The following ATP9A variants were observed in gnomAD, a reference collection of about 807,000 sequenced individuals.
ATP9A encodes the protein probable phospholipid-transporting ATPase IIA.
Under a neutral mutation model 144.1 loss-of-function variants are expected in ATP9A, and 52 were observed. The ratio of observed to expected loss-of-function variants is 0.36; its 90% CI spans 0.29 to 0.45. The LOEUF (loss-of-function observed/expected upper bound fraction) is 0.45, where lower values mean the gene tolerates loss of function less well. Among genes scored for constraint, ATP9A ranks in the 20% least tolerant of loss-of-function variants. ATP9A has a pLI of 1.00. For synonymous variants in ATP9A, 582 were observed against 557.4 expected (o/e 1.04, Z -0.62); for missense variants, 947 against 1,392.7 (o/e 0.68, Z 5.09).
intron 1 of ATP9A, among the ~76,000 whole-genome samples, chr20:51,745,583 G>T (rs796452101): frequency 6.6e-6 from 1 of 152,148 alleles, no homozygotes; most frequent in Non-Finnish European, 1.5e-5. Flanking sequence ...GGCACTACTG[G>T]CACGTAGTGG....
chr20:51,622,796 T>C (rs895409905), intron 18 of ATP9A, among the ~76,000 whole-genome samples: 3 of 152,298 alleles, frequency 2.0e-5, no homozygotes, highest in South Asian at 4.1e-4. Flanking sequence ...CCTCATGGAA[T>C]GTGCTTCCTG....
intron 3 of ATP9A, among the ~76,000 whole-genome samples, chr20:51,719,106 C>T (rs796815634): frequency 1.3e-5 from 2 of 149,980 alleles, no homozygotes; most frequent in African/African-American, 2.5e-5. Context: ...CCAGCCTGGG[C>T]GACAGAGTGA....
chr20:51,707,635 A>G (rs2077620289), intron 4 of ATP9A, among the ~76,000 whole-genome samples: 1 of 152,148 alleles, frequency 6.6e-6, no homozygotes, highest in African/African-American at 2.4e-5. Context: ...CACTACTTTC[A>G]ACTCCTGGGA....
intron 14 of ATP9A, among the ~76,000 whole-genome samples, chr20:51,654,563 C>T (rs1408621763): frequency 6.6e-6 from 1 of 151,718 alleles, no homozygotes; most frequent in African/African-American, 2.4e-5. Flanking sequence ...TACCATGAGC[C>T]TTATGCTCAT....
chr20:51,606,764 A>G (rs1264020988), intron 26 of ATP9A, among the ~76,000 whole-genome samples: 2 of 152,116 alleles, frequency 1.3e-5, no homozygotes, highest in Admixed American at 1.3e-4. Context: ...CTGTGGTCCC[A>G]GACTCAGAAG....
chr20:51,730,454 G>A (rs1268418146), intron 1 of ATP9A, among the ~76,000 whole-genome samples: 3 of 152,216 alleles, frequency 2.0e-5, no homozygotes, highest in Non-Finnish European at 4.4e-5. Context: ...GCGAAAGACT[G>A]AGACTTCGTC....
In ATP9A at chr20:51,601,209, G is replaced by A; in HGVS notation, c.*2C>T. On this transcript the variant is annotated 3_prime_UTR_variant, in exon 28 of 28. Transcript: ENST00000338821. ...CAGGGCCCCCTCCAGCGAACGCACG[G>A]CCTATGATGTGAGCTTTGAGTAGCT... 1.9e-6 allele frequency: 3 copies of A among 1,610,286 alleles called. No homozygotes were observed. The highest frequency in any genetic ancestry group is 2.5e-6 in the Non-Finnish European group (3 of 1,178,140).
Position 51,706,633 on chromosome 20 carries a change from C to T in ATP9A, c.436+6333G>A, listed in dbSNP as rs2077615723. On this transcript the variant is annotated intron_variant, in intron 4 of 27. Coordinates refer to ENST00000338821, the MANE Select transcript of ATP9A (RefSeq NM_006045.3). ...GGTATAGTGACATGCAACTATGGTC[C>T]CAGTTACTTGGGAGGCTGAGGTGGG... Among the ~76,000 whole-genome samples, 4 of 152,080 alleles carry T rather than the reference C, an allele frequency of 2.6e-5. No individual in the cohort carries two copies. In the South Asian group the frequency reaches 8.3e-4, roughly 32 times the overall value.
chr20:51,622,631 T>C (rs1201476027), intron 18 of ATP9A, among the ~76,000 whole-genome samples: 1 of 152,196 alleles, frequency 6.6e-6, no homozygotes, highest in East Asian at 1.9e-4. Flanking sequence ...ACTCAGCTTA[T>C]AAAACGCTGA....
At position 51,653,256 on chromosome 20, in the gene ATP9A, A is replaced by C. The variant is rs552416394; in HGVS notation, c.1506+3682T>G. 3.9e-5 allele frequency among the ~76,000 whole-genome samples: 6 copies of C among 152,106 alleles called. No homozygotes were observed. In the South Asian group the frequency reaches 1.2e-3, roughly 32 times the overall value. ...ATCTGATTTCAAGTGCAATTCATCC[A>C]CAGAAGAGATAAAGTACCATTCACT... On this transcript the variant is annotated intron_variant, in intron 14 of 27. Coordinates refer to ENST00000338821, the MANE Select transcript of ATP9A (RefSeq NM_006045.3).
At chr20:51,687,775 AAATGAATGAATG>A (rs1555836823) in intron 9 of ATP9A, among the ~76,000 whole-genome samples, 1 of 147,460 alleles carries the variant, frequency 6.8e-6, no homozygotes, top group Non-Finnish European at 1.5e-5. Context: ...AAAAAAAAAA[AAATGAATGAATG>A]AATGAATGAA....
intron 1 of ATP9A, among the ~76,000 whole-genome samples, chr20:51,730,656 A>AC (rs1207627547): frequency 6.6e-6 from 1 of 152,222 alleles, no homozygotes; most frequent in East Asian, 1.9e-4. Context: ...GCTGAATGGT[A>AC]CAGCCTATTA....
intron 23 of ATP9A, 124 bp from the exon 24 acceptor site, chr20:51,610,289 A>C: frequency 2.8e-6 from 2 of 702,652 alleles, no homozygotes; most frequent in Non-Finnish European, 4.9e-6. Flanking sequence ...GGTACTTTAC[A>C]TGGATTTGCT....
At chr20:51,766,607 C>G (rs1044783853) in intron 1 of ATP9A, among the ~76,000 whole-genome samples, 2 of 151,908 alleles carry the variant, frequency 1.3e-5, no homozygotes, top group Non-Finnish European at 2.9e-5. Flanking sequence ...TTTGGAAGGC[C>G]GAGGTGGGTG....
chr20:51,604,893 G>C lies in ATP9A; in HGVS notation c.2931C>G (p.His977Gln). 6.2e-7 allele frequency: 1 copy of C among 1,609,300 alleles called. No individual in the cohort carries two copies. Among genetic ancestry groups the C allele is most frequent in the Non-Finnish European group, 8.5e-7 (1 of 1,177,600 alleles). ...LMVALTIQTW[H>Q]WLMTVAELLS... is the part of the protein sequence containing the mutation. ...GCAGCTCCGCCACTGTCATGAGCCAGTGCCAGGTCTGGATGGTCAGCGCCA... is the reference window on the plus strand; with the variant it reads ...GCAGCTCCGCCACTGTCATGAGCCACTGCCAGGTCTGGATGGTCAGCGCCA... The change falls in exon 27 of 28, where the codon CAC (histidine) becomes CAG (glutamine). Residue 977 changes from histidine (H) to glutamine (Q), a missense_variant. This residue lies in a region of ATP9A where 177 missense variants were observed against 344.9 expected (regional missense o/e 0.51). Transcript: ENST00000338821.
intron 2 of ATP9A, 64 bp downstream of exon 2, chr20:51,729,770 T>C: frequency 6.8e-7 from 1 of 1,465,740 alleles, no homozygotes; most frequent in Non-Finnish European, 9.1e-7. Flanking sequence ...TGACATAACA[T>C]CTGTACCAAT....
chr20:51,657,055 G>T lies in ATP9A; in HGVS notation c.1389C>A (p.Ile463=). Residue 463 remains isoleucine, a synonymous_variant, in exon 14 of 28, where the codon ATC becomes ATA. Coordinates refer to ENST00000338821, the MANE Select transcript of ATP9A (RefSeq NM_006045.3). ...CGGGAGTCACGTTGTGGCAGAGCGC[G>T]ATGGCCTTCACGGCTTCGTGCACGC... The part of the protein sequence containing the change: ...SSRVHEAVKA[I]ALCHNVTPVY... 8 of 1,614,220 alleles carry T rather than the reference G, an allele frequency of 5.0e-6. No individual in the cohort carries two copies. The highest frequency in any genetic ancestry group is 6.8e-6 in the Non-Finnish European group (8 of 1,180,044).
rs750652847 is a variant in ATP9A at position 51,694,062 on chromosome 20, C to A, written c.588G>T (p.Thr196=). The change falls in exon 7 of 28, where the codon ACG becomes ACT. Residue 196 remains threonine, a synonymous_variant. Transcript: ENST00000338821. The part of the protein sequence containing the change: ...FLRTDQLDGE[T]DWKLRLPVAC... ...CCACGGGAAGCCGCAGCTTCCAGTC[C>A]GTCTCCCCATCCAGCTGATCCGTCC... 7 of 1,613,988 alleles carry A rather than the reference C, an allele frequency of 4.3e-6. No homozygotes were observed. The highest frequency in any genetic ancestry group is 3.3e-4 in the Middle Eastern group (2 of 6,080).
intron 4 of ATP9A, among the ~76,000 whole-genome samples, chr20:51,712,682 A>G (rs919995091): frequency 2.6e-5 from 4 of 152,342 alleles, no homozygotes; most frequent in Admixed American, 2.6e-4. Flanking sequence ...GGGATTAGCC[A>G]GCTGGGATGC....
Sources: allele counts gnomAD v4.1 joint callset (sites outside exome capture counted in the v4.1 genomes callset), GRCh38; gene constraint gnomAD v4.1.1; regional missense constraint gnomAD v4.1.1; transcripts MANE v1.5; gene names NCBI Gene and HGNC (gene_info 2026-07-23, HGNC 2026-07-21).